GLRB: variants seen among roughly 807,000 people sequenced by gnomAD.
The protein encoded by GLRB is glycine receptor beta.
Under a neutral mutation model 54.2 loss-of-function variants are expected in GLRB, and 33 were observed. That is an observed-to-expected ratio of 0.61 (90% CI 0.46 to 0.81). The LOEUF (loss-of-function observed/expected upper bound fraction) is 0.81, where lower values mean the gene tolerates loss of function less well. Among genes scored for constraint, GLRB ranks in the 40% least tolerant of loss-of-function variants. The pLI, the probability that GLRB is intolerant of heterozygous loss-of-function variation, is 0.00. For missense variants in GLRB, 572 were observed against 584.6 expected, an observed-to-expected ratio of 0.98 and a Z score of 0.22; for synonymous variants, 209 against 208.2, an observed-to-expected ratio of 1.00 and a Z score of -0.03.
At position 157,141,559 on chromosome 4, in the gene GLRB, T is replaced by C. The variant is rs1317827069; in HGVS notation, c.752-2248T>C. On this transcript the variant is annotated intron_variant, in intron 7 of 9. Coordinates refer to ENST00000264428, the MANE Select transcript of GLRB (RefSeq NM_000824.5). The stretch of plus-strand genomic sequence containing the variant: ...GGAGAAATATGTGGGAAAGCAAGTA[T>C]ACAAAAATACTCAAATTGGAAGCCT... Among the ~76,000 whole-genome samples, 2 of 151,952 alleles carry C rather than the reference T, an allele frequency of 1.3e-5. 1 individual carries two copies. Among genetic ancestry groups the C allele is most frequent in the Non-Finnish European group, 2.9e-5 (2 of 67,894 alleles).
intron 9 of GLRB, among the ~76,000 whole-genome samples, chr4:157,169,765 G>A (rs1248834109): frequency 6.6e-6 from 1 of 152,082 alleles, no homozygotes; most frequent in Non-Finnish European, 1.5e-5. Flanking sequence ...AGAAATTAGT[G>A]ACTGAATAAT....
At chr4:157,108,985 G>T (rs771159109) in intron 2 of GLRB, among the ~76,000 whole-genome samples, 1 of 152,074 alleles carries the variant, frequency 6.6e-6, no homozygotes, top group Non-Finnish European at 1.5e-5. Flanking sequence ...CTTGTTTAAA[G>T]CTCAGATGAT....
chr4:157,146,497 G>C (rs543881834), intron 8 of GLRB, among the ~76,000 whole-genome samples: 153 of 152,150 alleles, frequency 1.0e-3, no homozygotes, highest in African/African-American at 3.2e-3. Context: ...ATTTGGTCTA[G>C]TGAGTAGTAG....
intron 2 of GLRB, among the ~76,000 whole-genome samples, chr4:157,097,097 A>C (rs895525593): frequency 3.9e-5 from 6 of 152,222 alleles, no homozygotes; most frequent in African/African-American, 1.4e-4. Context: ...AATGATTTGG[A>C]AAATAAGATA....
At chr4:157,123,839 A>T (rs1454373237) in intron 4 of GLRB, among the ~76,000 whole-genome samples, 1 of 151,674 alleles carries the variant, frequency 6.6e-6, no homozygotes, top group East Asian at 1.9e-4. Context: ...AGCTATGAAG[A>T]TATTGCGTCT....
chr4:157,099,850 A>G (rs1461009388), intron 2 of GLRB, among the ~76,000 whole-genome samples: 3 of 152,082 alleles, frequency 2.0e-5, no homozygotes, highest in African/African-American at 7.2e-5. Flanking sequence ...TTTAATTTTA[A>G]CCATCTTCTG....
chr4:157,121,135 C>T (rs980333820), intron 3 of GLRB, among the ~76,000 whole-genome samples: 3 of 151,542 alleles, frequency 2.0e-5, no homozygotes, highest in Non-Finnish European at 3.0e-5. Context: ...AAAATTCTCT[C>T]TATTCTTTTG....
intron 4 of GLRB, among the ~76,000 whole-genome samples, chr4:157,130,925 G>A (rs1736192289): frequency 6.6e-6 from 1 of 151,638 alleles, no homozygotes; most frequent in Admixed American, 6.6e-5. Flanking sequence ...CTGATCCAAG[G>A]AAGAATTCAA....
chr4:157,116,724 T>A (rs1422279618), intron 2 of GLRB, among the ~76,000 whole-genome samples: 1 of 151,700 alleles, frequency 6.6e-6, no homozygotes, highest in Non-Finnish European at 1.5e-5. Context: ...AAAAATATGA[T>A]TTTAACTTTT....
At chr4:157,161,825 C>T (rs1004328639) in intron 9 of GLRB, among the ~76,000 whole-genome samples, 6 of 152,100 alleles carry the variant, frequency 3.9e-5, no homozygotes, top group East Asian at 1.9e-4. Flanking sequence ...TTGCTCTTCT[C>T]GTGGAGTATC....
chr4:157,161,133 A>G (rs928765714), intron 9 of GLRB, among the ~76,000 whole-genome samples: 4 of 152,038 alleles, frequency 2.6e-5, no homozygotes. Flanking sequence ...AGTCTGTTTT[A>G]TCAGAGACTA....
At position 157,170,923 on chromosome 4, in the gene GLRB, G is replaced by A; in HGVS notation, c.*195G>A. On this transcript the variant is annotated 3_prime_UTR_variant, in exon 10 of 10. Transcript: ENST00000264428. Reference sequence around the variant, plus strand: ...GTAATATCTGTGCTCTAATAACGATGTATATATGTATAGTGAACATATTGC... The same window carrying A: ...GTAATATCTGTGCTCTAATAACGATATATATATGTATAGTGAACATATTGC... The A allele has an allele frequency of 2.0e-6, 1 of 507,470 alleles. No homozygotes were observed. Among genetic ancestry groups the A allele is most frequent in the Non-Finnish European group, 3.5e-6 (1 of 287,210 alleles). The allele number at this position is 507,470 out of a possible 1,614,324, so 31.4% of individuals were successfully genotyped here.
intron 9 of GLRB, among the ~76,000 whole-genome samples, chr4:157,155,529 G>A: frequency 6.6e-6 from 1 of 152,056 alleles, no homozygotes. Context: ...CTTCATTGTT[G>A]AAGGATATTT....
chr4:157,170,386 T>C (rs1737871988), intron 9 of GLRB, 46 bp from the exon 10 acceptor site: 1 of 1,125,434 alleles, frequency 8.9e-7, no homozygotes, highest in Non-Finnish European at 1.3e-6. Context: ...ATGTGTTTCG[T>C]AAGTAGAAAA....
chr4:157,077,903 C>T, intron 1 of GLRB, 93 bp from the exon 2 acceptor site: 1 of 751,094 alleles, frequency 1.3e-6, no homozygotes, highest in Non-Finnish European at 2.2e-6. Flanking sequence ...TGTACTTGCC[C>T]TTTGGGTAGT....
intron 2 of GLRB, among the ~76,000 whole-genome samples, chr4:157,088,590 A>G (rs1158642141): frequency 2.0e-5 from 3 of 152,156 alleles, no homozygotes; most frequent in Non-Finnish European, 2.9e-5. Context: ...TTAAAGGAAA[A>G]GAATACAAGT....
At chr4:157,112,024 T>G (rs2126509115) in intron 2 of GLRB, among the ~76,000 whole-genome samples, 1 of 152,112 alleles carries the variant, frequency 6.6e-6, no homozygotes, top group African/African-American at 2.4e-5. Context: ...TTGGCTTATC[T>G]TTTCCTATCT....
At position 157,159,160 on chromosome 4, in the gene GLRB, G is replaced by A. The variant is rs766161404; in HGVS notation, c.1197+6150G>A. Among the ~76,000 whole-genome samples the A allele has an allele frequency of 1.3e-3, 193 of 152,276 alleles. 2 individuals are homozygous for A. Among genetic ancestry groups the A allele is most frequent in the Non-Finnish European group, 2.4e-3 (160 of 68,026 alleles). On this transcript the variant is annotated intron_variant, in intron 9 of 9. Transcript: ENST00000264428. Reference sequence around the variant, plus strand: ...CTGTTATTGGTGTATAGGAATGCTTGTGATTTTTGCACGTAGATTTTGTAT... The same window carrying A: ...CTGTTATTGGTGTATAGGAATGCTTATGATTTTTGCACGTAGATTTTGTAT...
intron 9 of GLRB, among the ~76,000 whole-genome samples, chr4:157,161,592 C>G (rs1737492444): frequency 1.3e-5 from 2 of 152,120 alleles, no homozygotes; most frequent in Admixed American, 1.3e-4. Flanking sequence ...ACTTATGAAG[C>G]TTAGTTTGGC....
Sources: gnomAD v4.1 joint callset for allele counts (sites outside exome capture counted in the v4.1 genomes callset) on GRCh38, gnomAD v4.1.1 for gene constraint, MANE v1.5 for transcripts, NCBI Gene and HGNC (gene_info 2026-07-23, HGNC 2026-07-21) for gene names.